Variants in GMDS observed in about 807,000 individuals in gnomAD.
GMDS encodes the protein GDP-mannose 4,6 dehydratase.
Under a neutral mutation model 49.9 loss-of-function variants are expected in GMDS, and 20 were observed. The ratio of observed to expected loss-of-function variants is 0.40; its 90% CI spans 0.28 to 0.58. GMDS has a LOEUF of 0.58. Among genes scored for constraint, GMDS ranks in the 20% least tolerant of loss-of-function variants. The pLI, the probability that GMDS is intolerant of heterozygous loss-of-function variation, is 0.42. For synonymous variants in GMDS, 177 were observed against 178.6 expected, an observed-to-expected ratio of 0.99 and a Z score of 0.07; for missense variants, 362 against 481.4, an observed-to-expected ratio of 0.75 and a Z score of 2.32.
At chr6:1,673,528 T>C (rs1018533789) in intron 9 of GMDS, among the ~76,000 whole-genome samples, 2 of 152,118 alleles carry the variant, frequency 1.3e-5, no homozygotes, top group Non-Finnish European at 2.9e-5. Flanking sequence ...ATATTTGTTA[T>C]AACTGATGAA....
chr6:1,809,497 T>C (rs1174151353), intron 7 of GMDS, among the ~76,000 whole-genome samples: 1 of 152,218 alleles, frequency 6.6e-6, no homozygotes, highest in African/African-American at 2.4e-5. Flanking sequence ...AATAACAAAA[T>C]AATCTTGTGA....
chr6:2,158,549 A>C (rs1777222008), intron 1 of GMDS, among the ~76,000 whole-genome samples: 1 of 152,268 alleles, frequency 6.6e-6, no homozygotes, highest in Non-Finnish European at 1.5e-5. Context: ...ATAATGTTTC[A>C]GAAGACATCA....
chr6:1,891,819 T>C (rs553250147), intron 7 of GMDS, among the ~76,000 whole-genome samples: 12 of 152,288 alleles, frequency 7.9e-5, no homozygotes, highest in African/African-American at 2.9e-4. Flanking sequence ...CACTAGAAGT[T>C]TGATAACCAC....
At chr6:2,138,626 T>C (rs1776128918) in intron 1 of GMDS, among the ~76,000 whole-genome samples, 1 of 152,258 alleles carries the variant, frequency 6.6e-6, no homozygotes, top group Admixed American at 6.5e-5. Flanking sequence ...TGAGTGTTAC[T>C]GCCATGCTAA....
At chr6:2,071,083 C>T (rs1355022251) in intron 4 of GMDS, among the ~76,000 whole-genome samples, 1 of 152,138 alleles carries the variant, frequency 6.6e-6, no homozygotes, top group Non-Finnish European at 1.5e-5. Context: ...CAATGGCTTG[C>T]TCTGTCTCTT....
At chr6:2,100,901 C>A (rs1562054552) in intron 4 of GMDS, among the ~76,000 whole-genome samples, 1 of 151,932 alleles carries the variant, frequency 6.6e-6, no homozygotes, top group Non-Finnish European at 1.5e-5. Flanking sequence ...ACTAATTTCA[C>A]TAAAGGTTAC....
At chr6:1,781,917 C>T (rs1254212694) in intron 7 of GMDS, among the ~76,000 whole-genome samples, 1 of 150,826 alleles carries the variant, frequency 6.6e-6, no homozygotes, top group East Asian at 1.9e-4. Context: ...GAAATATTGA[C>T]GAGCAGGAGT....
chr6:1,936,669 G>C (rs539234942), intron 6 of GMDS, among the ~76,000 whole-genome samples: 1 of 152,082 alleles, frequency 6.6e-6, no homozygotes, highest in Non-Finnish European at 1.5e-5. Flanking sequence ...CAATGGTCCC[G>C]TAAGATTACA....
intron 6 of GMDS, among the ~76,000 whole-genome samples, chr6:1,944,928 A>G (rs1763004540): frequency 6.6e-6 from 1 of 152,192 alleles, no homozygotes; most frequent in Non-Finnish European, 1.5e-5. Flanking sequence ...AAGTAAATAT[A>G]GGCAATACCC....
At chr6:2,203,033 G>T (rs1215670583) in intron 1 of GMDS, among the ~76,000 whole-genome samples, 1 of 152,174 alleles carries the variant, frequency 6.6e-6, no homozygotes, top group African/African-American at 2.4e-5. Context: ...CGTTCTTGGT[G>T]TGTCTTGAAT....
intron 7 of GMDS, among the ~76,000 whole-genome samples, chr6:1,921,004 A>G (rs1273802592): frequency 6.6e-6 from 1 of 152,224 alleles, no homozygotes; most frequent in Non-Finnish European, 1.5e-5. Context: ...GACCCTTCAC[A>G]TCAATGAGCG....
At chr6:1,762,420 T>C (rs771675806) in intron 7 of GMDS, among the ~76,000 whole-genome samples, 1 of 152,250 alleles carries the variant, frequency 6.6e-6, no homozygotes, top group Non-Finnish European at 1.5e-5. Context: ...CAGAGCTGGC[T>C]GCCAGGGCAG....
intron 4 of GMDS, among the ~76,000 whole-genome samples, chr6:2,060,698 A>C (rs1029696772): frequency 1.3e-5 from 2 of 152,246 alleles, no homozygotes; most frequent in African/African-American, 4.8e-5. Flanking sequence ...CTGCATGTCA[A>C]ACAAGGTGAG....
chr6:1,921,406 T>G (rs1357468869), intron 7 of GMDS, among the ~76,000 whole-genome samples: 2 of 152,198 alleles, frequency 1.3e-5, no homozygotes, highest in African/African-American at 4.8e-5. Flanking sequence ...AGGTTCTTAT[T>G]TGGGGACACA....
chr6:2,001,875 TAA>T (rs1280037266), intron 4 of GMDS, among the ~76,000 whole-genome samples: 1 of 152,198 alleles, frequency 6.6e-6, no homozygotes, highest in African/African-American at 2.4e-5. Context: ...ATAGCATATA[TAA>T]AACTTAACTC....
At chr6:2,046,225 T>G (rs1054082756) in intron 4 of GMDS, among the ~76,000 whole-genome samples, 4 of 151,996 alleles carry the variant, frequency 2.6e-5, no homozygotes, top group African/African-American at 9.7e-5. Flanking sequence ...AAAAGTAAAA[T>G]AAAATCATAG....
chr6:1,693,815 A>G (rs993586919), intron 9 of GMDS, among the ~76,000 whole-genome samples: 5 of 152,196 alleles, frequency 3.3e-5, no homozygotes, highest in South Asian at 2.1e-4. Flanking sequence ...CTCTGTTATC[A>G]TTTACTGAGC....
At chr6:1,859,087 G>A (rs1758069738) in intron 7 of GMDS, among the ~76,000 whole-genome samples, 1 of 152,112 alleles carries the variant, frequency 6.6e-6, no homozygotes, top group African/African-American at 2.4e-5. Context: ...GCACAGAGAT[G>A]GTGCTTCCAG....
chr6:2,222,270 A>T (rs2127590389), intron 1 of GMDS, among the ~76,000 whole-genome samples: 1 of 152,330 alleles, frequency 6.6e-6, no homozygotes, highest in East Asian at 1.9e-4. Flanking sequence ...CTGACTGCAG[A>T]GCTGCTTTCC....
Sources: allele counts gnomAD v4.1 joint callset (sites outside exome capture counted in the v4.1 genomes callset), GRCh38; gene constraint gnomAD v4.1.1; transcripts MANE v1.5; gene names NCBI Gene and HGNC (gene_info 2026-07-23, HGNC 2026-07-21).